SLC9A9: variants seen among roughly 807,000 people sequenced by gnomAD.
SLC9A9 encodes sodium/hydrogen exchanger 9.
SLC9A9 carries 62 observed loss-of-function variants against 77.8 expected under a neutral mutation model. The observed-to-expected ratio is 0.80, with a 90% confidence interval of 0.65 to 0.98. SLC9A9 has a LOEUF of 0.98. Among genes scored for constraint, SLC9A9 ranks in the 50% least tolerant of loss-of-function variants. The pLI, the probability that SLC9A9 is intolerant of heterozygous loss-of-function variation, is 0.00. For missense variants in SLC9A9, 775 were observed against 774.9 expected (o/e 1.00, Z 0.00); for synonymous variants, 320 against 283.5 (o/e 1.13, Z -1.29).
chr3:143,694,378 T>C (rs1933565938), intron 4 of SLC9A9, among the ~76,000 whole-genome samples: 1 of 152,134 alleles, frequency 6.6e-6, no homozygotes, highest in Admixed American at 6.6e-5. Context: ...TGAACCTGAA[T>C]ATCCATGAGG....
At chr3:143,369,917 A>C (rs1332274942) in intron 13 of SLC9A9, among the ~76,000 whole-genome samples, 1 of 152,208 alleles carries the variant, frequency 6.6e-6, no homozygotes, top group Non-Finnish European at 1.5e-5. Context: ...GAAAGGAATT[A>C]AGTATGCCTG....
At chr3:143,364,623 T>C (rs1441808843) in intron 13 of SLC9A9, among the ~76,000 whole-genome samples, 2 of 152,206 alleles carry the variant, frequency 1.3e-5, no homozygotes, top group African/African-American at 4.8e-5. Flanking sequence ...GATAAATAGC[T>C]GGACACAAAA....
At chr3:143,424,477 CTG>C (rs1181853276) in intron 12 of SLC9A9, among the ~76,000 whole-genome samples, 1 of 151,940 alleles carries the variant, frequency 6.6e-6, no homozygotes, top group Non-Finnish European at 1.5e-5. Flanking sequence ...CGGGGTTTCA[CTG>C]TGTTAGCCAG....
intron 14 of SLC9A9, among the ~76,000 whole-genome samples, chr3:143,302,815 T>G (rs2030586703): frequency 6.6e-6 from 1 of 152,150 alleles, no homozygotes; most frequent in Non-Finnish European, 1.5e-5. Flanking sequence ...ACAAGTGAAG[T>G]GGGTCACTGT....
At chr3:143,489,548 G>A (rs530577915) in intron 11 of SLC9A9, among the ~76,000 whole-genome samples, 4 of 151,974 alleles carry the variant, frequency 2.6e-5, no homozygotes, top group Admixed American at 1.3e-4. Context: ...ATAAAAAAAT[G>A]TAAGGCCTAA....
At chr3:143,317,320 C>T (rs767666794) in intron 14 of SLC9A9, among the ~76,000 whole-genome samples, 55 of 152,002 alleles carry the variant, frequency 3.6e-4, no homozygotes, top group African/African-American at 1.1e-3. Context: ...AGCTCCTGCC[C>T]GAGGAGCTAC....
intron 13 of SLC9A9, among the ~76,000 whole-genome samples, chr3:143,373,604 G>GAAA: frequency 5.1e-5 from 1 of 19,588 alleles, no homozygotes; most frequent in Non-Finnish European, 1.1e-4. Context: ...CACTGAAATA[G>GAAA]TAAAAAAAAA....
At chr3:143,370,897 G>A (rs558794204) in intron 13 of SLC9A9, among the ~76,000 whole-genome samples, 14 of 152,184 alleles carry the variant, frequency 9.2e-5, no homozygotes, top group African/African-American at 3.4e-4. Context: ...AAGAAGGGAA[G>A]AAATGAGGTG....
chr3:143,702,044 C>T (rs1397987720), intron 4 of SLC9A9, among the ~76,000 whole-genome samples: 2 of 152,050 alleles, frequency 1.3e-5, no homozygotes, highest in Non-Finnish European at 2.9e-5. Flanking sequence ...GAAACTTTTA[C>T]CCTAGAATAG....
At chr3:143,506,277 A>G (rs1194884566) in intron 9 of SLC9A9, among the ~76,000 whole-genome samples, 1 of 152,222 alleles carries the variant, frequency 6.6e-6, no homozygotes, top group African/African-American at 2.4e-5. Context: ...GATTGCTCCT[A>G]TATGCTTGTT....
At position 143,505,896 on chromosome 3, in the gene SLC9A9, T is replaced by G. The variant is rs558834358; in HGVS notation, c.1090-10448A>C. Among the ~76,000 whole-genome samples the G allele has an allele frequency of 7.9e-5, 12 of 152,346 alleles. No homozygotes were observed. The South Asian group carries it at 2.5e-3, about 32-fold the overall frequency. On this transcript the variant is annotated intron_variant, in intron 9 of 15. Transcript: ENST00000316549. The stretch of plus-strand genomic sequence containing the variant: ...CTTATAACTTAAGGGGAAGGCCATT[T>G]TCTCTGAATTTGCTTAATTACTTTA...
intron 5 of SLC9A9, among the ~76,000 whole-genome samples, chr3:143,670,300 C>T (rs558912718): frequency 2.6e-4 from 40 of 152,278 alleles, no homozygotes; most frequent in Admixed American, 3.9e-4. Flanking sequence ...CCAAATCATG[C>T]GGATGGAGCC....
intron 14 of SLC9A9, among the ~76,000 whole-genome samples, chr3:143,359,001 T>C (rs1315199556): frequency 6.6e-6 from 1 of 152,218 alleles, no homozygotes; most frequent in South Asian, 2.1e-4. Flanking sequence ...TGAGTGGCTG[T>C]TCCTGTCTAG....
At chr3:143,521,673 A>T (rs1356780127) in intron 9 of SLC9A9, among the ~76,000 whole-genome samples, 1 of 151,906 alleles carries the variant, frequency 6.6e-6, no homozygotes, top group Non-Finnish European at 1.5e-5. Flanking sequence ...CTGTGTAGAA[A>T]GTTATATATT....
At position 143,672,533 on chromosome 3, in the gene SLC9A9, C is replaced by T. The variant is rs2039174408; in HGVS notation, c.650-20173G>A. Among the ~76,000 whole-genome samples, 3 of 152,226 alleles carry T rather than the reference C, an allele frequency of 2.0e-5. No homozygotes were observed. The South Asian group carries it at 6.2e-4, about 32-fold the overall frequency. On this transcript the variant is annotated intron_variant, in intron 5 of 15. Coordinates refer to ENST00000316549, the MANE Select transcript of SLC9A9 (RefSeq NM_173653.4). ...GTGTTAGAAAAATTAAATATTTAAA[C>T]CTGGAGTTCCACGATGAATGAAAAA...
chr3:143,416,345 C>G (rs956345318), intron 12 of SLC9A9, among the ~76,000 whole-genome samples: 1 of 152,104 alleles, frequency 6.6e-6, no homozygotes, highest in South Asian at 2.1e-4. Context: ...AGCAGCACTG[C>G]ACGCTACAGA....
intron 9 of SLC9A9, among the ~76,000 whole-genome samples, chr3:143,538,084 G>T (rs2036623129): frequency 6.6e-6 from 1 of 152,164 alleles, no homozygotes; most frequent in African/African-American, 2.4e-5. Flanking sequence ...TTTCTGCCTA[G>T]AACATAGGGA....
At chr3:143,392,751 G>A (rs1016445519) in intron 12 of SLC9A9, among the ~76,000 whole-genome samples, 1 of 152,188 alleles carries the variant, frequency 6.6e-6, no homozygotes, top group African/African-American at 2.4e-5. Context: ...AAGGGATGGA[G>A]GAAGATCTAC....
intron 6 of SLC9A9, among the ~76,000 whole-genome samples, chr3:143,582,157 T>TATGGGTATCAATCTAATCTTGAA (rs1321164104): frequency 1.3e-5 from 2 of 152,210 alleles, no homozygotes; most frequent in African/African-American, 4.8e-5. Context: ...TGGGTACTTT[T>TATGGGTATCAATCTAATCTTGAA]ATGGGTATCA....
Sources: gnomAD v4.1 joint callset for allele counts (sites outside exome capture counted in the v4.1 genomes callset) on GRCh38, gnomAD v4.1.1 for gene constraint, MANE v1.5 for transcripts, NCBI Gene and HGNC (gene_info 2026-07-23, HGNC 2026-07-21) for gene names.